ARPC5: variants seen among roughly 807,000 people sequenced by gnomAD.
ARPC5 encodes the protein actin-related protein 2/3 complex subunit 5.
A neutral mutation model predicts 15.4 loss-of-function variants in ARPC5; 5 were observed. That is an observed-to-expected ratio of 0.32 (90% confidence interval 0.17 to 0.68). ARPC5 has a LOEUF of 0.68. ARPC5 is among the 30% of genes least tolerant of loss of function. The pLI, the probability that ARPC5 is intolerant of heterozygous loss-of-function variation, is 0.71. For synonymous variants in ARPC5, 85 were observed against 72.2 expected, an observed-to-expected ratio of 1.18 and a Z score of -0.90; for missense variants, 138 against 192.8, an observed-to-expected ratio of 0.72 and a Z score of 1.68.
chr1:183,630,883 CGTGA>C (rs1201538352), intron 2 of ARPC5: 3 of 393,504 alleles, frequency 7.6e-6, no homozygotes, highest in African/African-American at 4.1e-5. Flanking sequence ...GAGAAAAGCA[CGTGA>C]GTAAGTCAGA....
In ARPC5 at chr1:183,633,142, T is replaced by G; in HGVS notation, c.156A>C (p.Thr52=). Residue 52 remains threonine (T), a synonymous_variant, in exon 2 of 4, where the codon ACA becomes ACC. Coordinates refer to ENST00000359856, the MANE Select transcript of ARPC5 (RefSeq NM_005717.4). ...VDSCLRQGNM[T]AALQAALKNP... is the part of the protein sequence containing the mutation. ...TCTTCAGAGCTGCCTGTAGGGCAGC[T>G]GTCATGTTTCCTGTGATGGAAGTTA... The G allele has an allele frequency of 6.2e-7, 1 of 1,601,082 alleles. No homozygotes were observed. The highest frequency in any genetic ancestry group is 1.1e-5 in the South Asian group (1 of 88,630).
chr1:183,623,563 C>T lies in ARPC5; in HGVS notation c.*3969G>A. The T allele has an allele frequency of 6.5e-7, 1 of 1,531,300 alleles. No homozygotes were observed. Among genetic ancestry groups the T allele is most frequent in the Non-Finnish European group, 8.8e-7 (1 of 1,130,760 alleles). 94.9% of individuals were successfully genotyped at this position (1,531,300 alleles called of 1,614,324 possible). ...AGGGAGTGGGGCAGAGGTCCCGCGG[C>T]AGGAATATGGACAGAAGCAGCCTTG... On this transcript the variant is annotated 3_prime_UTR_variant, in exon 4 of 4. Coordinates refer to ENST00000359856, the MANE Select transcript of ARPC5 (RefSeq NM_005717.4).
chr1:183,631,810 G>C (rs756848538), intron 2 of ARPC5: 13 of 152,134 alleles, frequency 8.5e-5, no homozygotes, highest in Non-Finnish European at 1.9e-4. Flanking sequence ...GCAAAAGCCT[G>C]CTTCAAAAGC....
chr1:183,623,115 G>C lies in ARPC5; in HGVS notation c.*4417C>G. On this transcript the variant is annotated 3_prime_UTR_variant, in exon 4 of 4. Coordinates refer to ENST00000359856, the MANE Select transcript of ARPC5 (RefSeq NM_005717.4). The stretch of plus-strand genomic sequence containing the variant: ...TCTAGCAGCAAGGTCAAGAGGGTGT[G>C]TCTTGCAGAGCAGGAGCTAACTGCT... 2.7e-6 allele frequency: 1 copy of C among 367,444 alleles called. No homozygotes were observed. Among genetic ancestry groups the C allele is most frequent in the Non-Finnish European group, 5.2e-6 (1 of 193,266 alleles). The allele number at this position is 367,444 out of a possible 1,614,324, so 22.8% of individuals were successfully genotyped here.
At chr1:183,628,114 A>T (rs1424800287) in intron 3 of ARPC5, among the ~76,000 whole-genome samples, 1 of 136,770 alleles carries the variant, frequency 7.3e-6, no homozygotes, top group Non-Finnish European at 1.5e-5. Flanking sequence ...CGGAGCTTGC[A>T]GTGAGCCGAG....
chr1:183,626,548 G>C lies in ARPC5; in HGVS notation c.*984C>G, dbSNP rs1558120655. The C allele has an allele frequency of 6.6e-6, 1 of 152,576 alleles. No homozygotes were observed. The highest frequency in any genetic ancestry group is 1.9e-4 in the East Asian group (1 of 5,202). 9.5% of individuals were successfully genotyped at this position (152,576 alleles called of 1,614,324 possible). A position where few individuals can be genotyped will look rare whatever the true frequency, so the allele number is the denominator to read the frequency against. ...GAGCTAAAACACAGAATGTGTATTT[G>C]TTTGGATCTGAACCAAATCTTTTGA... On this transcript the variant is annotated 3_prime_UTR_variant, in exon 4 of 4. Transcript: ENST00000359856.
rs1649012979 is a variant in ARPC5, at chr1:183,624,038, A to T, written c.*3494T>A. 1 of 152,116 alleles carries T rather than the reference A, an allele frequency of 6.6e-6. No homozygotes were observed. The highest frequency in any genetic ancestry group is 2.5e-5 in the African/African-American group (1 of 39,476). The allele number at this position is 152,116 out of a possible 1,614,324, so 9.4% of individuals were successfully genotyped here. On this transcript the variant is annotated 3_prime_UTR_variant, in exon 4 of 4. Coordinates refer to ENST00000359856, the MANE Select transcript of ARPC5 (RefSeq NM_005717.4). ...ACTCCATCTCAAAAAAAAAAAATTA[A>T]TTAATTAATTTTCTTTTTTACCTTT...
Position 183,621,531 on chromosome 1 carries a change from A to C in ARPC5, c.*6001T>G, listed in dbSNP as rs903286906. ...TGGATCTCACACAAGAAAGAATTCA[A>C]GGCCAGTCTGTAAAGTTAAAGCAAG... On this transcript the variant is annotated 3_prime_UTR_variant, in exon 4 of 4. Transcript: ENST00000359856. The C allele has an allele frequency of 2.6e-5, 4 of 152,262 alleles. No homozygotes were observed. The highest frequency in any genetic ancestry group is 9.6e-5 in the African/African-American group (4 of 41,466). 9.4% of individuals were successfully genotyped at this position (152,262 alleles called of 1,614,324 possible).
intron 1 of ARPC5, among the ~76,000 whole-genome samples, chr1:183,634,929 T>TAAA (rs1558123797): frequency 7.0e-6 from 1 of 143,508 alleles, no homozygotes; most frequent in African/African-American, 2.8e-5. Flanking sequence ...TTTTTTTTTT[T>TAAA]TAAAAAGGCC....
At chr1:183,629,781 G>A (rs1235077721) in intron 3 of ARPC5, among the ~76,000 whole-genome samples, 1 of 151,948 alleles carries the variant, frequency 6.6e-6, no homozygotes, top group African/African-American at 2.4e-5. Flanking sequence ...AAATCCATTG[G>A]CATTAATTAT....
Position 183,633,160 on chromosome 1 carries a change from G to T in ARPC5, c.144-6C>A. On this transcript the variant is annotated splice_polypyrimidine_tract_variant and splice_region_variant and intron_variant, in intron 1 of 3. Coordinates refer to ENST00000359856, the MANE Select transcript of ARPC5 (RefSeq NM_005717.4). ...GGGCAGCTGTCATGTTTCCTGTGAT[G>T]GAAGTTAAGGGTGTAACAGCAAAGG... 2 of 1,594,046 alleles carry T rather than the reference G, an allele frequency of 1.3e-6. No individual in the cohort carries two copies. Among genetic ancestry groups the T allele is most frequent in the South Asian group, 2.3e-5 (2 of 87,418 alleles).
At chr1:183,632,740 T>TA (rs1424668395) in intron 2 of ARPC5, 2 of 177,446 alleles carry the variant, frequency 1.1e-5, no homozygotes, top group Admixed American at 6.4e-5. Flanking sequence ...TGTATGGTTT[T>TA]AAAAAATCTT....
Position 183,630,643 on chromosome 1 carries a change from G to C in ARPC5, c.217-6C>G. 1 of 1,609,458 alleles carries C rather than the reference G, an allele frequency of 6.2e-7. No individual in the cohort carries two copies. The highest frequency in any genetic ancestry group is 8.5e-7 in the Non-Finnish European group (1 of 1,178,146). ...ACAATGCTGCCTGCCCGGTCCTGGTGGGTCAATAAATAACAGAACATTTAG... is the reference window on the plus strand; with the variant it reads ...ACAATGCTGCCTGCCCGGTCCTGGTCGGTCAATAAATAACAGAACATTTAG... On this transcript the variant is annotated splice_polypyrimidine_tract_variant and splice_region_variant and intron_variant, in intron 2 of 3. Coordinates refer to ENST00000359856, the MANE Select transcript of ARPC5 (RefSeq NM_005717.4).
intron 1 of ARPC5, 137 bp downstream of exon 1, chr1:183,635,380 C>T: frequency 1.9e-6 from 2 of 1,077,290 alleles, no homozygotes; most frequent in East Asian, 2.9e-5. Flanking sequence ...GCGGGCGATC[C>T]CAAAGAGACA....
chr1:183,634,508 G>C (rs1481102307), intron 1 of ARPC5, among the ~76,000 whole-genome samples: 1 of 152,144 alleles, frequency 6.6e-6, no homozygotes, highest in Admixed American at 6.5e-5. Context: ...TTCAGTGTCT[G>C]AGATTTTCTA....
chr1:183,629,439 C>T lies in ARPC5; in HGVS notation c.393+1022G>A, dbSNP rs1190496066. On this transcript the variant is annotated intron_variant, in intron 3 of 3. Coordinates refer to ENST00000359856, the MANE Select transcript of ARPC5 (RefSeq NM_005717.4). ...GAATAGGGTGCCATATAAATTACTA[C>T]CCAAATTGGTGCATTTTAGAGTAAA... 7.9e-5 allele frequency among the ~76,000 whole-genome samples: 12 copies of T among 152,256 alleles called. No individual in the cohort carries two copies. In the South Asian group the frequency reaches 2.5e-3, roughly 32 times the overall value.
chr1:183,630,830 C>T, intron 2 of ARPC5, 193 bp from the exon 3 acceptor site: 1 of 501,112 alleles, frequency 2.0e-6, no homozygotes, highest in South Asian at 4.3e-5. Context: ...CAGTGTGTTC[C>T]AGGAACAGAA....
At chr1:183,632,480 A>G (rs1005919322) in intron 2 of ARPC5, 1 of 152,376 alleles carries the variant, frequency 6.6e-6, no homozygotes, top group Non-Finnish European at 1.5e-5. Flanking sequence ...AGTTATGTAT[A>G]CACTGCAGCT....
chr1:183,626,935 G>C lies in ARPC5; in HGVS notation c.*597C>G, dbSNP rs1478385092. ...GGGCCATGATTATTGGATGCTGAGA[G>C]AAAGTAGCATACTTAAACCCACAGT... On this transcript the variant is annotated 3_prime_UTR_variant, in exon 4 of 4. Coordinates refer to ENST00000359856, the MANE Select transcript of ARPC5 (RefSeq NM_005717.4). 1 of 152,518 alleles carries C rather than the reference G, an allele frequency of 6.6e-6. No homozygotes were observed. Among genetic ancestry groups the C allele is most frequent in the Non-Finnish European group, 1.5e-5 (1 of 68,118 alleles). 9.4% of individuals were successfully genotyped at this position (152,518 alleles called of 1,614,324 possible).
Sources: gnomAD v4.1 joint callset for allele counts (sites outside exome capture counted in the v4.1 genomes callset) on GRCh38, gnomAD v4.1.1 for gene constraint, MANE v1.5 for transcripts, NCBI Gene and HGNC (gene_info 2026-07-23, HGNC 2026-07-21) for gene names.